DIAPH2: variants seen among roughly 807,000 people sequenced by gnomAD.
DIAPH2 encodes protein diaphanous homolog 2.
DIAPH2 carries 35 observed loss-of-function variants against 92.7 expected under a neutral mutation model. The ratio of observed to expected loss-of-function variants is 0.38; its 90% CI spans 0.29 to 0.50. The LOEUF (loss-of-function observed/expected upper bound fraction) is 0.50. Ranked by LOEUF, DIAPH2 falls within the 20% of genes least tolerant of loss-of-function variation. The pLI, the probability that DIAPH2 is intolerant of heterozygous loss-of-function variation, is 0.94. For missense variants in DIAPH2, 701 were observed against 819.5 expected (o/e 0.86, Z 1.77); for synonymous variants, 301 against 280.4 (o/e 1.07, Z -0.73).
chrX:97,265,279 A>C (rs950043410), intron 23 of DIAPH2, among the ~76,000 whole-genome samples: 1 of 111,959 alleles, frequency 8.9e-6, no homozygotes, highest in Admixed American at 9.5e-5. Context: ...CAGAATGAAT[A>C]AAAAAAGGGA....
chrX:97,090,311 T>TTTC (rs2066814578), intron 19 of DIAPH2, among the ~76,000 whole-genome samples: 1 of 31,981 alleles, frequency 3.1e-5, no homozygotes, highest in East Asian at 1.0e-3. Flanking sequence ...TTTTTTTTTT[T>TTTC]TTTTTTTTTT....
At chrX:97,076,700 G>A (rs2066707134) in intron 19 of DIAPH2, among the ~76,000 whole-genome samples, 1 of 111,637 alleles carries the variant, frequency 9.0e-6, no homozygotes, top group African/African-American at 3.3e-5. Context: ...ATTTTGGATT[G>A]TAGGCTTACA....
At chrX:97,339,372 G>C (rs968287030) in intron 23 of DIAPH2, among the ~76,000 whole-genome samples, 3 of 110,482 alleles carry the variant, frequency 2.7e-5, no homozygotes, top group African/African-American at 9.9e-5. Context: ...GAAATTAGCT[G>C]GGCATGGTGC....
intron 1 of DIAPH2, among the ~76,000 whole-genome samples, chrX:96,731,749 C>T (rs2064056786): frequency 9.0e-6 from 1 of 111,464 alleles, no homozygotes; most frequent in African/African-American, 3.3e-5. Flanking sequence ...ACACAATATT[C>T]ATATAATACT....
chrX:97,431,391 A>G (rs1279213064), intron 26 of DIAPH2: 6 of 112,416 alleles, frequency 5.3e-5, no homozygotes, highest in African/African-American at 1.9e-4. Context: ...TATTTTAAAA[A>G]TGCACATTTG....
chrX:97,367,772 G>A (rs370712800), intron 24 of DIAPH2, among the ~76,000 whole-genome samples: 2 of 105,893 alleles, frequency 1.9e-5, no homozygotes. Context: ...GCACAATCTC[G>A]GTTCACTGCA....
intron 23 of DIAPH2, among the ~76,000 whole-genome samples, chrX:97,300,699 G>A (rs1268337440): frequency 2.0e-5 from 2 of 97,579 alleles, no homozygotes; most frequent in African/African-American, 7.3e-5. Flanking sequence ...TTGGGAGGCC[G>A]AGGCGGGCGG....
intron 16 of DIAPH2, among the ~76,000 whole-genome samples, chrX:96,959,637 C>T (rs180754485): frequency 3.0e-4 from 34 of 111,590 alleles, no homozygotes; most frequent in Non-Finnish European, 5.3e-4. Flanking sequence ...ATCTCACTTA[C>T]CCATTTTTGT....
chrX:97,321,644 G>A (rs1394083474), intron 23 of DIAPH2, among the ~76,000 whole-genome samples: 1 of 104,455 alleles, frequency 9.6e-6, no homozygotes, highest in Non-Finnish European at 1.9e-5. Context: ...CCGCCTCCCA[G>A]GTTCATGCCA....
At chrX:96,939,580 GTATA>G in intron 12 of DIAPH2, among the ~76,000 whole-genome samples, 198 bp downstream of exon 12, 1 of 59,070 alleles carries the variant, frequency 1.7e-5, no homozygotes, top group South Asian at 1.4e-3. Context: ...GTGTGTGTGT[GTATA>G]TGTGTGTGTG....
intron 1 of DIAPH2, among the ~76,000 whole-genome samples, chrX:96,695,129 T>G (rs1224682628): frequency 2.7e-5 from 3 of 111,406 alleles, no homozygotes; most frequent in African/African-American, 9.8e-5. Context: ...TTGTGTGTTT[T>G]TAGTAGAGAC....
At chrX:97,365,258 T>G (rs965063550) in intron 24 of DIAPH2, among the ~76,000 whole-genome samples, 2 of 111,618 alleles carry the variant, frequency 1.8e-5, no homozygotes, top group African/African-American at 3.3e-5. Flanking sequence ...CGGCCCAAGT[T>G]TCAGTGTTTG....
At chrX:96,908,608 G>GT (rs1188182729) in intron 5 of DIAPH2, among the ~76,000 whole-genome samples, 13 of 109,555 alleles carry the variant, frequency 1.2e-4, no homozygotes, top group East Asian at 2.9e-4. Context: ...TTGTTTGTTT[G>GT]TTTTTTTTGA....
At chrX:97,328,422 G>C (rs1338610424) in intron 23 of DIAPH2, among the ~76,000 whole-genome samples, 1 of 111,487 alleles carries the variant, frequency 9.0e-6, no homozygotes, top group African/African-American at 3.3e-5. Flanking sequence ...TACAGAGTGA[G>C]ACTCTGTATC....
chrX:96,864,199 G>A (rs967828737), intron 4 of DIAPH2, among the ~76,000 whole-genome samples: 1 of 111,278 alleles, frequency 9.0e-6, no homozygotes, highest in East Asian at 2.8e-4. Context: ...AACTTAGAAC[G>A]TGAAGTCCTA....
At chrX:97,338,022 G>A (rs932010555) in intron 23 of DIAPH2, among the ~76,000 whole-genome samples, 3 of 109,373 alleles carry the variant, frequency 2.7e-5, no homozygotes, top group Non-Finnish European at 1.9e-5. Context: ...ACAGGTGTGC[G>A]CCACCACGCC....
intron 23 of DIAPH2, among the ~76,000 whole-genome samples, chrX:97,340,875 A>G (rs1371897155): frequency 9.2e-6 from 1 of 108,633 alleles, no homozygotes; most frequent in Non-Finnish European, 1.9e-5. Flanking sequence ...TTGGTCTCGA[A>G]CTCCTGACCT....
chrX:97,448,314 A>C (rs1057343653), intron 26 of DIAPH2, among the ~76,000 whole-genome samples: 3 of 112,393 alleles, frequency 2.7e-5, no homozygotes, highest in Non-Finnish European at 5.6e-5. Context: ...AATAATGTCA[A>C]GATTTTGTAA....
At chrX:97,101,839 G>A (rs1177934700) in intron 20 of DIAPH2, among the ~76,000 whole-genome samples, 1 of 111,981 alleles carries the variant, frequency 8.9e-6, no homozygotes, top group Non-Finnish European at 1.9e-5. Context: ...ATTTCTCTAG[G>A]TGTATGCTGA....
Sources: allele counts gnomAD v4.1 joint callset (sites outside exome capture counted in the v4.1 genomes callset), GRCh38; gene constraint gnomAD v4.1.1; transcripts MANE v1.5; gene names NCBI Gene and HGNC (gene_info 2026-07-23, HGNC 2026-07-21).